Variants in GANC observed in about 807,000 individuals in gnomAD.
GANC encodes glucosidase alpha, neutral C.
GANC carries 117 observed loss-of-function variants against 124.2 expected under a neutral mutation model. The ratio of observed to expected loss-of-function variants is 0.94; its 90% confidence interval spans 0.81 to 1.10. The LOEUF (loss-of-function observed/expected upper bound fraction) is 1.10, where lower values mean the gene tolerates loss of function less well. Among genes scored for constraint, GANC ranks in the 50% least tolerant of loss-of-function variants. GANC has a pLI of 0.00. For missense variants in GANC, 1,140 were observed against 1,095.0 expected (o/e 1.04, Z -0.58); for synonymous variants, 377 against 376.8 (o/e 1.00, Z -0.01).
At position 42,338,451 on chromosome 15, in the gene GANC, T is replaced by A; in HGVS notation, c.1804T>A (p.Leu602Ile). The A allele has an allele frequency of 6.2e-7, 1 of 1,614,060 alleles. No homozygotes were observed. The highest frequency in any genetic ancestry group is 8.5e-7 in the Non-Finnish European group (1 of 1,179,928). Reference protein sequence around the residue: ...WSNLKISIPMLLTLSITGISF... With the variant: ...WSNLKISIPMILTLSITGISF... Reference sequence around the variant, plus strand: ...CAACTTGAAAATTTCTATCCCAATGTTACTCACTCTCAGCATTACTGGGAT... The same window carrying A: ...CAACTTGAAAATTTCTATCCCAATGATACTCACTCTCAGCATTACTGGGAT... Residue 602 changes from leucine (L) to isoleucine (I), a missense_variant, in exon 16 of 24, where the codon TTA becomes ATA. Leu to Ile is a conservative substitution (Grantham distance 5). Coordinates refer to ENST00000318010, the MANE Select transcript of GANC (RefSeq NM_198141.3).
intron 19 of GANC, chr15:42,344,858 C>T (rs1012069759): frequency 2.6e-5 from 4 of 152,172 alleles, no homozygotes; most frequent in Admixed American, 6.5e-5. Flanking sequence ...GCTCCCTTTC[C>T]GACTTAGTCA....
intron 22 of GANC, 128 bp downstream of exon 22, chr15:42,349,623 C>T (rs774819984): frequency 2.3e-5 from 15 of 639,920 alleles, no homozygotes; most frequent in South Asian, 3.9e-5. Context: ...AGGCCGTTTC[C>T]GGAATATTTT....
At chr15:42,349,555 T>G in intron 22 of GANC, 60 bp downstream of exon 22, 1 of 962,796 alleles carries the variant, frequency 1.0e-6, no homozygotes, top group Non-Finnish European at 1.7e-6. Flanking sequence ...CCGTTCAGCA[T>G]CCTCAAATCA....
Position 42,274,347 on chromosome 15 carries a change from G to T in GANC, c.-135G>T. 1.2e-6 allele frequency: 1 copy of T among 851,974 alleles called. No individual in the cohort carries two copies. Among genetic ancestry groups the T allele is most frequent in the Non-Finnish European group, 1.9e-6 (1 of 534,882 alleles). The allele number at this position is 851,974 out of a possible 1,614,324, so 52.8% of individuals were successfully genotyped here. A position where few individuals can be genotyped will look rare whatever the true frequency, so the allele number is the denominator to read the frequency against. On this transcript the variant is annotated 5_prime_UTR_variant, in exon 1 of 24. It adds an upstream start codon to the 5' untranslated region. Transcript: ENST00000318010. ...ATTTGTCACTCCATGAGAATCTGGAGGGGACTCCCTTCCCAGAAACTTGAC... is the reference window on the plus strand; with the variant it reads ...ATTTGTCACTCCATGAGAATCTGGATGGGACTCCCTTCCCAGAAACTTGAC...
In GANC at chr15:42,292,882, A is replaced by C. The variant is rs1309925257; in HGVS notation, c.477A>C (p.Leu159Phe). 6 of 1,614,020 alleles carry C rather than the reference A, an allele frequency of 3.7e-6. No individual in the cohort carries two copies. The highest frequency in any genetic ancestry group is 5.1e-6 in the Non-Finnish European group (6 of 1,179,974). ...TTAGCATAAATTCCCTGGGCCAATT[A>C]TACTTTGAGCATCTACAGATTCTTC... ...VVISINSLGQ[L>F]YFEHLQILHK... Residue 159 changes from leucine (L) to phenylalanine (F), a missense_variant, in exon 5 of 24, where the codon TTA (leucine) becomes TTC (phenylalanine). Transcript: ENST00000318010.
chr15:42,278,823 A>T (rs2051702695), intron 3 of GANC, among the ~76,000 whole-genome samples: 1 of 152,124 alleles, frequency 6.6e-6, no homozygotes, highest in South Asian at 2.1e-4. Flanking sequence ...GCGAAAACCC[A>T]TCTCTACAAA....
In GANC at chr15:42,348,161, C is replaced by T. The variant is rs149243972; in HGVS notation, c.2363C>T (p.Ser788Phe). ...VIPIKTTVGK[S>F]TGWMTESSYG... ...CCAATAAAGACAACTGTAGGAAAAT[C>T]CACAGGCTGGATGACTGAATCCTCC... The change falls in exon 21 of 24, where the codon TCC becomes TTC. Residue 788 changes from serine (S) to phenylalanine (F), a missense_variant. Coordinates refer to ENST00000318010, the MANE Select transcript of GANC (RefSeq NM_198141.3). 1 of 1,612,854 alleles carries T rather than the reference C, an allele frequency of 6.2e-7. No individual in the cohort carries two copies. Among genetic ancestry groups the T allele is most frequent in the Admixed American group, 1.7e-5 (1 of 59,736 alleles).
chr15:42,346,251 G>A (rs2141080623), intron 20 of GANC, among the ~76,000 whole-genome samples: 1 of 152,286 alleles, frequency 6.6e-6, no homozygotes, highest in East Asian at 1.9e-4. Flanking sequence ...AGTCCATAAT[G>A]TGTTCCTCTG....
Position 42,306,536 on chromosome 15 carries a change from G to GTA in GANC, c.559-9_559-8dup. On this transcript the variant is annotated splice_polypyrimidine_tract_variant and intron_variant, in intron 6 of 23. Transcript: ENST00000318010. ...GTAAACTCAGTTTGCTCCCTTTTTTGTACCAACAGGAAAATCAAGAAGATC... is the reference window on the plus strand; with the variant it reads ...GTAAACTCAGTTTGCTCCCTTTTTTGTATACCAACAGGAAAATCAAGAAGATC... 6.2e-7 allele frequency: 1 copy of GTA among 1,604,456 alleles called. No homozygotes were observed. Among genetic ancestry groups the GTA allele is most frequent in the South Asian group, 1.1e-5 (1 of 89,626 alleles).
At chr15:42,278,660 A>G in intron 3 of GANC, 70 bp downstream of exon 3, 1 of 1,110,178 alleles carries the variant, frequency 9.0e-7, no homozygotes, top group Non-Finnish European at 1.3e-6. Flanking sequence ...GAAGTAAATT[A>G]AAGCTATGTA....
At chr15:42,322,114 G>C in intron 11 of GANC, 94 bp downstream of exon 11, 1 of 948,578 alleles carries the variant, frequency 1.1e-6, no homozygotes, top group Non-Finnish European at 1.6e-6. Context: ...AGAAACATCT[G>C]ATAAAAAATG....
intron 10 of GANC, among the ~76,000 whole-genome samples, chr15:42,320,905 A>G (rs546894142): frequency 6.6e-6 from 1 of 152,278 alleles, no homozygotes; most frequent in East Asian, 1.9e-4. Context: ...GGCTTTGGCC[A>G]ACAGTTACCA....
intron 3 of GANC, among the ~76,000 whole-genome samples, chr15:42,286,056 A>G (rs1406433966): frequency 6.6e-6 from 1 of 151,970 alleles, no homozygotes; most frequent in Non-Finnish European, 1.5e-5. Flanking sequence ...AAATGGGACA[A>G]TCTCTGAGTG....
chr15:42,292,647 T>C, intron 4 of GANC, 88 bp from the exon 5 acceptor site: 1 of 1,273,848 alleles, frequency 7.9e-7, no homozygotes, highest in Non-Finnish European at 1.1e-6. Flanking sequence ...GAATATTGAT[T>C]TACTAATTAA....
At position 42,353,475 on chromosome 15, in the gene GANC, T is replaced by C. The variant is rs772973844; in HGVS notation, c.*1336T>C. 2 of 932,298 alleles carry C rather than the reference T, an allele frequency of 2.1e-6. No individual in the cohort carries two copies. Among genetic ancestry groups the C allele is most frequent in the Non-Finnish European group, 2.6e-6 (2 of 781,786 alleles). The allele number at this position is 932,298 out of a possible 1,614,324, so 57.8% of individuals were successfully genotyped here. On this transcript the variant is annotated 3_prime_UTR_variant, in exon 24 of 24. Coordinates refer to ENST00000318010, the MANE Select transcript of GANC (RefSeq NM_198141.3). ...GTCCCACTTATAACTGTGCTCTACTTAGCATTCTCAGGGATCATACCTTAA... is the reference window on the plus strand; with the variant it reads ...GTCCCACTTATAACTGTGCTCTACTCAGCATTCTCAGGGATCATACCTTAA...
chr15:42,319,089 A>T (rs1029944855), intron 10 of GANC, among the ~76,000 whole-genome samples: 1 of 151,594 alleles, frequency 6.6e-6, no homozygotes, highest in African/African-American at 2.4e-5. Flanking sequence ...CAATTTTCTC[A>T]ATTTTATCTT....
chr15:42,290,164 C>T (rs574903015), intron 4 of GANC, among the ~76,000 whole-genome samples: 2 of 152,164 alleles, frequency 1.3e-5, no homozygotes, highest in East Asian at 1.9e-4. Flanking sequence ...ACTTAAATGA[C>T]CACTGGTGGT....
intron 15 of GANC, among the ~76,000 whole-genome samples, chr15:42,331,314 A>G (rs1488075768): frequency 1.4e-4 from 21 of 152,206 alleles, no homozygotes; most frequent in Admixed American, 1.4e-3. Context: ...TCTTTGATTT[A>G]TCAAAGCCAG....
At chr15:42,306,734 C>T in intron 7 of GANC, 122 bp downstream of exon 7, 1 of 635,236 alleles carries the variant, frequency 1.6e-6, no homozygotes, top group Non-Finnish European at 2.7e-6. Flanking sequence ...GAACAGAAAT[C>T]CCAGATCAGA....
Sources: gnomAD v4.1 joint callset for allele counts (sites outside exome capture counted in the v4.1 genomes callset) on GRCh38, gnomAD v4.1.1 for gene constraint, MANE v1.5 for transcripts, NCBI Gene and HGNC (gene_info 2026-07-23, HGNC 2026-07-21) for gene names.